The following GALNT8 variants were observed in gnomAD, a reference collection of about 807,000 sequenced individuals.
GALNT8 encodes polypeptide N-acetylgalactosaminyltransferase 8, also known as probable polypeptide N-acetylgalactosaminyltransferase 8.
Under a neutral mutation model 62.7 loss-of-function variants are expected in GALNT8, and 66 were observed. The ratio of observed to expected loss-of-function variants is 1.05; its 90% CI spans 0.86 to 1.29. The LOEUF (loss-of-function observed/expected upper bound fraction) is 1.29. GALNT8 is among the 50% of genes most tolerant of loss of function. The pLI is 0.00. For missense variants in GALNT8, 771 were observed against 791.8 expected (o/e 0.97, Z 0.32); for synonymous variants, 288 against 294.3 (o/e 0.98, Z 0.22).
chr12:4,756,582 C>T (rs936764915), intron 6 of GALNT8, among the ~76,000 whole-genome samples: 2 of 150,832 alleles, frequency 1.3e-5, no homozygotes, highest in Non-Finnish European at 3.0e-5. Flanking sequence ...TTTTCCCCCT[C>T]CAAGCCCTGA....
At chr12:4,728,640 G>A (rs1206170025) in intron 2 of GALNT8, among the ~76,000 whole-genome samples, 1 of 152,030 alleles carries the variant, frequency 6.6e-6, no homozygotes, top group African/African-American at 2.4e-5. Context: ...AGATTGTCCT[G>A]CCACCCTTAT....
In GALNT8 at chr12:4,749,573, A is replaced by AT. The variant is rs1555069464; in HGVS notation, c.1173+3320dup. Reference sequence around the variant, plus strand: ...TCAGTTTGCTAATATTTTGTTGAGGATTTTTGTGCCAATATTCATCAGAGA... The same window carrying AT: ...TCAGTTTGCTAATATTTTGTTGAGGATTTTTTGTGCCAATATTCATCAGAGA... On this transcript the variant is annotated intron_variant, in intron 6 of 10. Coordinates refer to ENST00000252318, the MANE Select transcript of GALNT8 (RefSeq NM_017417.2). The surrounding 1 kb of genome is among the most constrained non-coding windows in gnomAD (Gnocchi z 4.1). Among the ~76,000 whole-genome samples, 3 of 150,786 alleles carry AT rather than the reference A, an allele frequency of 2.0e-5. No individual in the cohort carries two copies. Among genetic ancestry groups the AT allele is most frequent in the Non-Finnish European group, 4.4e-5 (3 of 67,690 alleles).
At position 4,749,955 on chromosome 12, in the gene GALNT8, A is replaced by G. The variant is rs1946315554; in HGVS notation, c.1173+3697A>G. On this transcript the variant is annotated intron_variant, in intron 6 of 10. Coordinates refer to ENST00000252318, the MANE Select transcript of GALNT8 (RefSeq NM_017417.2). The surrounding 1 kb of genome is among the most constrained non-coding windows in gnomAD (Gnocchi z 4.1). ...TAGATTTTCCAACTTGTTGGCATAC[A>G]GTTGCTTATAGGAGCTGTTAGTGTT... Among the ~76,000 whole-genome samples, 1 of 152,110 alleles carries G rather than the reference A, an allele frequency of 6.6e-6. No individual in the cohort carries two copies. The highest frequency in any genetic ancestry group is 2.4e-5 in the African/African-American group (1 of 41,416).
intron 5 of GALNT8, among the ~76,000 whole-genome samples, chr12:4,745,933 T>C (rs1359140810): frequency 6.6e-6 from 1 of 152,066 alleles, no homozygotes; most frequent in Non-Finnish European, 1.5e-5. Flanking sequence ...AAGAAAAAGG[T>C]GTAATTTCAA....
intron 6 of GALNT8, among the ~76,000 whole-genome samples, chr12:4,755,601 G>A (rs1442076767): frequency 6.6e-6 from 1 of 152,184 alleles, no homozygotes; most frequent in Non-Finnish European, 1.5e-5. Context: ...TGCTTTGCTT[G>A]TGTAAATAGT....
chr12:4,762,240 A>G (rs1283631327), intron 7 of GALNT8, among the ~76,000 whole-genome samples: 1 of 152,170 alleles, frequency 6.6e-6, no homozygotes, highest in Non-Finnish European at 1.5e-5. Flanking sequence ...ACACAGTCAT[A>G]TTGTGACTGT....
intron 1 of GALNT8, among the ~76,000 whole-genome samples, chr12:4,724,715 T>C (rs1290444604): frequency 2.6e-5 from 4 of 152,248 alleles, no homozygotes; most frequent in Non-Finnish European, 5.9e-5. Flanking sequence ...ATTTACTTTT[T>C]GCCCAAGTTT....
chr12:4,763,439 A>G (rs1946382080), intron 8 of GALNT8, 49 bp downstream of exon 8: 1 of 1,491,180 alleles, frequency 6.7e-7, no homozygotes, highest in Non-Finnish European at 9.3e-7. Flanking sequence ...TGACTGTGAA[A>G]GACAATGCGG....
intron 10 of GALNT8, among the ~76,000 whole-genome samples, chr12:4,766,669 A>G (rs565375660): frequency 1.2e-4 from 19 of 152,098 alleles, no homozygotes; most frequent in Non-Finnish European, 2.5e-4. Flanking sequence ...GGCTTGCTCC[A>G]AAAGCTTCTG....
intron 2 of GALNT8, among the ~76,000 whole-genome samples, chr12:4,733,813 G>A (rs370440102): frequency 1.2e-4 from 18 of 152,194 alleles, no homozygotes; most frequent in African/African-American, 3.1e-4. Context: ...AGTGACTCCC[G>A]AATCCACAGG....
At position 4,764,026 on chromosome 12, in the gene GALNT8, C is replaced by T. The variant is rs766211758; in HGVS notation, c.1572C>T (p.Tyr524=). The change falls in exon 9 of 11, where the codon TAC becomes TAT. Residue 524 remains tyrosine (Y), a synonymous_variant. Transcript: ENST00000252318. ...CAGGCAACACCCCCATCATGTATTA[C>T]TGCCATGAATTCAGCTCACAGGTAT... ...PVPGNTPIMY[Y]CHEFSSQNVY... 3.8e-6 allele frequency: 6 copies of T among 1,578,262 alleles called. No homozygotes were observed. Among genetic ancestry groups the T allele is most frequent in the South Asian group, 1.1e-5 (1 of 90,498 alleles).
chr12:4,721,500 G>GT (rs1162114488), intron 1 of GALNT8, among the ~76,000 whole-genome samples: 2 of 152,114 alleles, frequency 1.3e-5, no homozygotes, highest in Non-Finnish European at 2.9e-5. Flanking sequence ...GTGAACAAAG[G>GT]TCTCTGCATC....
intron 6 of GALNT8, among the ~76,000 whole-genome samples, chr12:4,752,991 A>G (rs749787064): frequency 1.2e-4 from 19 of 152,108 alleles, no homozygotes; most frequent in Non-Finnish European, 2.6e-4. Flanking sequence ...TACATATGTC[A>G]TGTCACTCTC....
chr12:4,751,055 T>C (rs974530169), intron 6 of GALNT8, among the ~76,000 whole-genome samples: 1 of 152,182 alleles, frequency 6.6e-6, no homozygotes, highest in African/African-American at 2.4e-5. Context: ...TAAATGGTGC[T>C]GGGATAACTG....
chr12:4,744,977 A>G (rs1946290308), intron 4 of GALNT8, among the ~76,000 whole-genome samples: 1 of 152,216 alleles, frequency 6.6e-6, no homozygotes, highest in Admixed American at 6.5e-5. Flanking sequence ...TGTGTCTTTA[A>G]CTGTAAAGAT....
intron 1 of GALNT8, among the ~76,000 whole-genome samples, chr12:4,721,967 G>T (rs1429466392): frequency 2.0e-5 from 3 of 152,058 alleles, no homozygotes; most frequent in Non-Finnish European, 4.4e-5. Context: ...TAACGAGCAT[G>T]CTGCCTTCAA....
intron 7 of GALNT8, 136 bp downstream of exon 7, chr12:4,761,279 A>G (rs1946371550): frequency 1.5e-6 from 1 of 659,054 alleles, no homozygotes; most frequent in Non-Finnish European, 2.6e-6. Context: ...TGTGATAATA[A>G]TGGCTCTTAA....
At chr12:4,729,651 G>C (rs1946212345) in intron 2 of GALNT8, among the ~76,000 whole-genome samples, 1 of 152,018 alleles carries the variant, frequency 6.6e-6, no homozygotes, top group Admixed American at 6.5e-5. Flanking sequence ...CATCTATTAT[G>C]GAATAGTATT....
At chr12:4,728,593 C>T (rs1946206727) in intron 2 of GALNT8, among the ~76,000 whole-genome samples, 1 of 152,012 alleles carries the variant, frequency 6.6e-6, no homozygotes, top group African/African-American at 2.4e-5. Context: ...TTCAGTTATC[C>T]TACTACCTTG....
Sources: gnomAD v4.1 joint callset for allele counts (sites outside exome capture counted in the v4.1 genomes callset) on GRCh38, gnomAD v4.1.1 for gene constraint, Gnocchi (gnomAD v3.1) non-coding constraint, MANE v1.5 for transcripts, NCBI Gene and HGNC (gene_info 2026-07-23, HGNC 2026-07-21) for gene names.